The following ARID1B variants were observed in gnomAD, a reference collection of about 807,000 sequenced individuals.
The protein encoded by ARID1B is AT-rich interaction domain 1B, also known as AT-rich interactive domain-containing protein 1B.
In ARID1B, 30 loss-of-function variants were observed where a neutral mutation model predicts 212.3. That is an observed-to-expected ratio of 0.14 (90% CI 0.11 to 0.19). The LOEUF is 0.19. Ranked by LOEUF, ARID1B falls within the 10% of genes least tolerant of loss-of-function variation. The pLI, the probability that ARID1B is intolerant of heterozygous loss-of-function variation, is 1.00. For missense variants in ARID1B, 2,891 were observed against 3,204.0 expected, an observed-to-expected ratio of 0.90 and a Z score of 2.36; for synonymous variants, 1,402 against 1,301.7, an observed-to-expected ratio of 1.08 and a Z score of -1.66.
At chr6:157,040,709 C>A (rs1781830838) in intron 4 of ARID1B, among the ~76,000 whole-genome samples, 1 of 152,184 alleles carries the variant, frequency 6.6e-6, no homozygotes, top group South Asian at 2.1e-4. Flanking sequence ...TCATGACTAG[C>A]AAGGTTGATC....
chr6:157,091,294 G>A (rs1785265001), intron 5 of ARID1B, among the ~76,000 whole-genome samples: 1 of 152,054 alleles, frequency 6.6e-6, no homozygotes, highest in African/African-American at 2.4e-5. Flanking sequence ...AGGGTGGCAC[G>A]TATTGGATTA....
At position 157,207,036 on chromosome 6, in the gene ARID1B, G is replaced by A. The variant is rs1466725801; in HGVS notation, c.6264G>A (p.Met2088Ile). ...LSFVPGNDAE[M>I]SKHPGLVLIL... is the part of the protein sequence containing the mutation. ...TCGTGCCTGGCAATGATGCCGAAAT[G>A]TCCAAACATCCAGGCCTGGTGCTGA... Residue 2088 changes from methionine (M) to isoleucine (I), a missense_variant, in exon 20 of 20, where the codon ATG becomes ATA. By Grantham distance (10) the Met-to-Ile change is conservative. Transcript: ENST00000636930. This position sits in a 1 kb window ranked among gnomAD's most constrained non-coding sequence, Gnocchi z 8.5. 6.2e-7 allele frequency: 1 copy of A among 1,614,102 alleles called. No homozygotes were observed. Among genetic ancestry groups the A allele is most frequent in the Non-Finnish European group, 8.5e-7 (1 of 1,180,054 alleles).
In ARID1B at chr6:156,779,147, C is replaced by T. The variant is rs1159928402; in HGVS notation, c.1467C>T (p.Ala489=). ...CGGCGGGGGGCTTCCAGCGCTTCGC[C>T]GGCCAGAACCAGCACCCGTCGGGGG... The part of the protein sequence containing the change: ...GSAAGGFQRF[A]GQNQHPSGAT... The change falls in exon 1 of 20, where the codon GCC becomes GCT. Residue 489 remains alanine (A), a synonymous_variant. Transcript: ENST00000636930. 7.8e-7 allele frequency: 1 copy of T among 1,285,438 alleles called. No homozygotes were observed. The highest frequency in any genetic ancestry group is 9.9e-7 in the Non-Finnish European group (1 of 1,012,418). The allele number at this position is 1,285,438 out of a possible 1,614,324, so 79.6% of individuals were successfully genotyped here.
At chr6:156,831,753 C>T (rs996339778) in intron 2 of ARID1B, among the ~76,000 whole-genome samples, 2 of 152,082 alleles carry the variant, frequency 1.3e-5, no homozygotes, top group Non-Finnish European at 2.9e-5. Context: ...ATGTAGGTTG[C>T]CCATCAAGTA....
At chr6:157,197,413 C>T (rs1793802975) in intron 16 of ARID1B, among the ~76,000 whole-genome samples, 1 of 152,158 alleles carries the variant, frequency 6.6e-6, no homozygotes, top group South Asian at 2.1e-4. Context: ...GGAAAGCTTC[C>T]TCAGTGTAAT....
intron 4 of ARID1B, among the ~76,000 whole-genome samples, chr6:157,045,499 C>T (rs1277436808): frequency 6.6e-6 from 1 of 152,100 alleles, no homozygotes; most frequent in Non-Finnish European, 1.5e-5. Flanking sequence ...CAGAGTCTCT[C>T]TCTGTCACCC....
chr6:156,907,014 T>C (rs1343879699), intron 3 of ARID1B, among the ~76,000 whole-genome samples: 2 of 152,210 alleles, frequency 1.3e-5, no homozygotes, highest in African/African-American at 4.8e-5. Flanking sequence ...CTAATTCTGC[T>C]AATTCTAGTG....
chr6:156,844,832 C>T (rs929522890), intron 2 of ARID1B, among the ~76,000 whole-genome samples: 1 of 152,140 alleles, frequency 6.6e-6, no homozygotes, highest in Non-Finnish European at 1.5e-5. Flanking sequence ...AGTATATTTC[C>T]TTACTGTACA....
intron 1 of ARID1B, among the ~76,000 whole-genome samples, chr6:156,800,514 T>C (rs1780700793): frequency 1.3e-5 from 2 of 152,028 alleles, no homozygotes; most frequent in South Asian, 4.1e-4. Flanking sequence ...TCTTGAACCC[T>C]GGAGGTGAAG....
intron 19 of ARID1B, chr6:157,204,998 T>A (rs1794349361): frequency 6.6e-6 from 1 of 152,266 alleles, no homozygotes; most frequent in South Asian, 2.1e-4. Flanking sequence ...GTACGAGTTC[T>A]GTGTTAACAG....
intron 4 of ARID1B, among the ~76,000 whole-genome samples, chr6:157,060,684 C>CAA (rs1783289291): frequency 8.7e-6 from 1 of 115,600 alleles, no homozygotes; most frequent in Admixed American, 1.2e-4. Context: ...TCATCACATT[C>CAA]AAGAGCCCGA....
At position 157,201,570 on chromosome 6, in the gene ARID1B, C is replaced by T. The variant is rs1240063870; in HGVS notation, c.5263+82C>T. ...AATTTTAGTAAAGATGCTGTTCCTGCTCATCTTAAAGGGATGAAAAAATTA... is the reference window on the plus strand; with the variant it reads ...AATTTTAGTAAAGATGCTGTTCCTGTTCATCTTAAAGGGATGAAAAAATTA... On this transcript the variant is annotated intron_variant, in intron 18 of 19. Transcript: ENST00000636930. This position sits in a 1 kb window ranked among gnomAD's most constrained non-coding sequence, Gnocchi z 5.2. 1.4e-6 allele frequency: 2 copies of T among 1,423,554 alleles called. No homozygotes were observed. Among genetic ancestry groups the T allele is most frequent in the Non-Finnish European group, 1.9e-6 (2 of 1,071,774 alleles). 88.2% of individuals were successfully genotyped at this position (1,423,554 alleles called of 1,614,324 possible). A position where few individuals can be genotyped will look rare whatever the true frequency, so the allele number is the denominator to read the frequency against.
At chr6:156,814,462 C>T (rs928769796) in intron 1 of ARID1B, among the ~76,000 whole-genome samples, 2 of 152,102 alleles carry the variant, frequency 1.3e-5, no homozygotes, top group Non-Finnish European at 2.9e-5. Context: ...CTTTTAAGTT[C>T]AAGGTGTCTT....
chr6:157,133,234 A>G (rs1417673638), intron 7 of ARID1B, 27 bp downstream of exon 7: 2 of 1,558,258 alleles, frequency 1.3e-6, no homozygotes, highest in Non-Finnish European at 1.7e-6. Flanking sequence ...TCCAAAATGC[A>G]TGGCAGCAAG....
chr6:157,111,783 TTATAA>T, intron 6 of ARID1B, among the ~76,000 whole-genome samples: 1 of 152,196 alleles, frequency 6.6e-6, no homozygotes, highest in African/African-American at 2.4e-5. Context: ...CATATATATA[TTATAA>T]TTTAAGGTAT....
In ARID1B at chr6:157,106,882, A is replaced by G. The variant is rs144346496; in HGVS notation, c.2492-3590A>G. On this transcript the variant is annotated intron_variant, in intron 5 of 19. Transcript: ENST00000636930. ...AATTCCAGTAACTAAATGTGGAAGA[A>G]AAAGGGGAAATATAGAATCACCGTT... Among the ~76,000 whole-genome samples the G allele has an allele frequency of 1.7e-3, 264 of 152,340 alleles. 1 individual carries two copies. The highest frequency in any genetic ancestry group is 6.1e-3 in the African/African-American group (255 of 41,568).
At chr6:156,837,556 A>G (rs567250320) in intron 2 of ARID1B, among the ~76,000 whole-genome samples, 14 of 152,348 alleles carry the variant, frequency 9.2e-5, no homozygotes, top group South Asian at 8.3e-4. Context: ...TAGCCAGCCA[A>G]TAGTTAAATT....
intron 8 of ARID1B, chr6:157,166,710 C>T (rs1791349030): frequency 5.3e-6 from 1 of 188,582 alleles, no homozygotes; most frequent in South Asian, 1.7e-4. Context: ...GTTAATTTTG[C>T]TTGCTTTTGT....
At position 156,804,900 on chromosome 6, in the gene ARID1B, C is replaced by T. The variant is rs930913947; in HGVS notation, c.1792-24327C>T. ...AAAAAAAAAAAAAAAGAAATTGGCC[C>T]TTTTTGTGTCTTAATGTTCCTATTT... On this transcript the variant is annotated intron_variant, in intron 1 of 19. Transcript: ENST00000636930. Among the ~76,000 whole-genome samples the T allele has an allele frequency of 1.9e-4, 28 of 149,664 alleles. 1 individual carries two copies. The highest frequency in any genetic ancestry group is 1.7e-3 in the Admixed American group (25 of 15,058).
Sources: gnomAD v4.1 joint callset for allele counts (sites outside exome capture counted in the v4.1 genomes callset) on GRCh38, gnomAD v4.1.1 for gene constraint, Gnocchi (gnomAD v3.1) non-coding constraint, MANE v1.5 for transcripts, NCBI Gene and HGNC (gene_info 2026-07-23, HGNC 2026-07-21) for gene names.